Variants in TNS3 observed in about 807,000 individuals in gnomAD.
The protein encoded by TNS3 is tensin-3.
Under a neutral mutation model 140.9 loss-of-function variants are expected in TNS3, and 45 were observed. The observed-to-expected ratio is 0.32, with a 90% CI of 0.25 to 0.41. The LOEUF (loss-of-function observed/expected upper bound fraction) is 0.41. Ranked by LOEUF, TNS3 falls within the 10% of genes least tolerant of loss-of-function variation. The pLI is 1.00. For synonymous variants in TNS3, 815 were observed against 788.4 expected (o/e 1.03, Z -0.56); for missense variants, 1,716 against 1,906.7 (o/e 0.90, Z 1.86).
intron 2 of TNS3, among the ~76,000 whole-genome samples, chr7:47,515,366 C>A (rs117547329): frequency 6.6e-6 from 1 of 152,102 alleles, no homozygotes; most frequent in African/African-American, 2.4e-5. Context: ...TCATCACAAT[C>A]GTTACCATTG....
chr7:47,579,010 G>A (rs1034297208), intron 1 of TNS3, among the ~76,000 whole-genome samples: 2 of 152,164 alleles, frequency 1.3e-5, no homozygotes, highest in Admixed American at 6.5e-5. Context: ...ACACAACTGT[G>A]AGCCATGATC....
At chr7:47,421,713 G>A (rs1185262461) in intron 10 of TNS3, among the ~76,000 whole-genome samples, 4 of 152,168 alleles carry the variant, frequency 2.6e-5, no homozygotes, top group African/African-American at 9.7e-5. Context: ...TGCTTCTCAT[G>A]ATTTGCTGAA....
At chr7:47,389,312 T>A (rs73695324) in intron 16 of TNS3, among the ~76,000 whole-genome samples, 24,960 of 147,060 alleles carry the variant, frequency 0.17, 2,328 homozygotes, top group East Asian at 0.32. Flanking sequence ...GGGGTACCCT[T>A]CCTCCCAGGA....
chr7:47,344,813 C>A lies in TNS3; in HGVS notation c.2592G>T (p.Pro864=), dbSNP rs61731310. 1.2e-6 allele frequency: 2 copies of A among 1,613,602 alleles called. No homozygotes were observed. Among genetic ancestry groups the A allele is most frequent in the South Asian group, 1.1e-5 (1 of 91,056 alleles). ...TCAGCGGGGGCTCAGGTGGGCTGAACGGAGGATGGCGCAGCGCTGTTTTCA... is the reference window on the plus strand; with the variant it reads ...TCAGCGGGGGCTCAGGTGGGCTGAAAGGAGGATGGCGCAGCGCTGTTTTCA... ...PYVKTALRHP[P]FSPPEPPLSS... The change falls in exon 20 of 31, where the codon CCG becomes CCT. Residue 864 remains proline (P), a synonymous_variant. Transcript: ENST00000311160.
At chr7:47,382,263 G>A (rs566042383) in intron 16 of TNS3, among the ~76,000 whole-genome samples, 10 of 152,248 alleles carry the variant, frequency 6.6e-5, no homozygotes, top group East Asian at 5.8e-4. Flanking sequence ...TTTGTTTTTC[G>A]GTGGCTGAGG....
intron 20 of TNS3, among the ~76,000 whole-genome samples, chr7:47,340,936 T>C (rs1301640474): frequency 6.6e-6 from 1 of 152,198 alleles, no homozygotes; most frequent in Non-Finnish European, 1.5e-5. Context: ...TGCTGGAAGT[T>C]TTGAGTCATG....
chr7:47,308,866 G>A (rs558675397), intron 20 of TNS3, among the ~76,000 whole-genome samples: 1 of 152,268 alleles, frequency 6.6e-6, no homozygotes, highest in Admixed American at 6.5e-5. Context: ...GGCCTTCAAT[G>A]TCCCTAATGT....
At chr7:47,281,786 A>G (rs574824902) in intron 28 of TNS3, among the ~76,000 whole-genome samples, 6 of 152,204 alleles carry the variant, frequency 3.9e-5, no homozygotes, top group Admixed American at 2.0e-4. Context: ...AAGAAATAAC[A>G]TATCTTCCAA....
intron 21 of TNS3, among the ~76,000 whole-genome samples, chr7:47,304,388 A>G (rs1174647879): frequency 6.6e-6 from 1 of 152,242 alleles, no homozygotes; most frequent in Admixed American, 6.5e-5. Flanking sequence ...TAGAATTTAA[A>G]AAGTTAAATA....
intron 20 of TNS3, among the ~76,000 whole-genome samples, chr7:47,331,722 G>C (rs947881766): frequency 6.6e-6 from 1 of 152,168 alleles, no homozygotes; most frequent in Non-Finnish European, 1.5e-5. Context: ...TAAGTGCATG[G>C]CCTGTAAGAA....
chr7:47,441,248 G>A (rs540922283), intron 5 of TNS3, among the ~76,000 whole-genome samples: 3 of 152,066 alleles, frequency 2.0e-5, no homozygotes, highest in South Asian at 4.2e-4. Flanking sequence ...GCGCAATCTC[G>A]GCTTACTGCA....
Position 47,478,599 on chromosome 7 carries a change from T to C in TNS3, c.-76+2504A>G, listed in dbSNP as rs557245174. ...TACATACAAGATACATATATTCACA[T>C]GTGTAACATTTATATACATAATATA... On this transcript the variant is annotated intron_variant, in intron 4 of 30. Coordinates refer to ENST00000311160, the MANE Select transcript of TNS3 (RefSeq NM_022748.12). Among the ~76,000 whole-genome samples, 7 of 152,286 alleles carry C rather than the reference T, an allele frequency of 4.6e-5. No individual in the cohort carries two copies. In the South Asian group the frequency reaches 1.5e-3, roughly 32 times the overall value.
chr7:47,501,513 GT>G (rs2151863572), intron 3 of TNS3, among the ~76,000 whole-genome samples: 1 of 152,284 alleles, frequency 6.6e-6, no homozygotes, highest in South Asian at 2.1e-4. Context: ...GAGCTGGCTG[GT>G]GGGATGCTGG....
chr7:47,455,589 G>A lies in TNS3; in HGVS notation c.-75-13534C>T, dbSNP rs149257397. 2.1e-3 allele frequency among the ~76,000 whole-genome samples: 320 copies of A among 152,260 alleles called. 4 individuals carry two copies. The highest frequency in any genetic ancestry group is 7.4e-3 in the African/African-American group (308 of 41,550). The stretch of plus-strand genomic sequence containing the variant: ...TTCAGGCACTGCAGGGAGAATGCAG[G>A]TGTGACAGAGGGGAAAGACCAGGAT... On this transcript the variant is annotated intron_variant, in intron 4 of 30. Coordinates refer to ENST00000311160, the MANE Select transcript of TNS3 (RefSeq NM_022748.12).
At chr7:47,386,125 G>A (rs186801695) in intron 16 of TNS3, among the ~76,000 whole-genome samples, 2 of 152,210 alleles carry the variant, frequency 1.3e-5, no homozygotes, top group East Asian at 3.9e-4. Context: ...TATGTCAAAG[G>A]GTGTATTTTC....
chr7:47,489,905 C>T (rs1442289224), intron 3 of TNS3, among the ~76,000 whole-genome samples: 1 of 152,098 alleles, frequency 6.6e-6, no homozygotes, highest in Non-Finnish European at 1.5e-5. Flanking sequence ...ATGGTGCAGC[C>T]GAGGCCCGCA....
intron 7 of TNS3, among the ~76,000 whole-genome samples, chr7:47,436,674 T>C (rs1438118442): frequency 6.6e-6 from 1 of 152,134 alleles, no homozygotes; most frequent in Non-Finnish European, 1.5e-5. Flanking sequence ...CATAAAGAGA[T>C]ACTAGCAGAA....
At chr7:47,324,520 G>C (rs187749051) in intron 20 of TNS3, among the ~76,000 whole-genome samples, 2 of 152,330 alleles carry the variant, frequency 1.3e-5, no homozygotes, top group African/African-American at 4.8e-5. Flanking sequence ...AGGAGGCGGA[G>C]GCAGGCAGAC....
chr7:47,474,802 AACAC>A (rs534079148), intron 4 of TNS3, among the ~76,000 whole-genome samples: 2 of 146,736 alleles, frequency 1.4e-5, no homozygotes, highest in African/African-American at 5.1e-5. Flanking sequence ...CACAAAGCAC[AACAC>A]ACACACCTCA....
Sources: allele counts gnomAD v4.1 joint callset (sites outside exome capture counted in the v4.1 genomes callset), GRCh38; gene constraint gnomAD v4.1.1; transcripts MANE v1.5; gene names NCBI Gene and HGNC (gene_info 2026-07-23, HGNC 2026-07-21).